SCAPER: variants seen among roughly 807,000 people sequenced by gnomAD.
SCAPER encodes the protein S-phase cyclin A associated protein in the ER.
A neutral mutation model predicts 182.2 loss-of-function variants in SCAPER; 98 were observed. The ratio of observed to expected loss-of-function variants is 0.54; its 90% CI spans 0.46 to 0.64. The LOEUF is 0.64. Among genes scored for constraint, SCAPER ranks in the 30% least tolerant of loss-of-function variants. The probability of loss-of-function intolerance (pLI) is 0.00; values close to 1 mark genes in which losing one functional copy is unlikely to be tolerated. For missense variants in SCAPER, 1,432 were observed against 1,690.0 expected (o/e 0.85, Z 2.68); for synonymous variants, 605 against 564.6 (o/e 1.07, Z -1.01).
At chr15:76,391,676 T>C (rs2043710475) in intron 27 of SCAPER, among the ~76,000 whole-genome samples, 2 of 152,198 alleles carry the variant, frequency 1.3e-5, no homozygotes, top group Non-Finnish European at 1.5e-5. Flanking sequence ...TCACTAGTAT[T>C]TGCTAGCTCT....
Position 76,779,912 on chromosome 15 carries a change from C to T in SCAPER, c.773-4795G>A, listed in dbSNP as rs1179818026. Among the ~76,000 whole-genome samples the T allele has an allele frequency of 3.9e-5, 6 of 152,280 alleles. No homozygotes were observed. In the East Asian group the frequency reaches 5.8e-4, roughly 15 times the overall value. On this transcript the variant is annotated intron_variant, in intron 8 of 31. Coordinates refer to ENST00000563290, the MANE Select transcript of SCAPER (RefSeq NM_020843.4). The stretch of plus-strand genomic sequence containing the variant: ...CAAAAACCAATCAACGGGGGATCTT[C>T]GACCAACATGGGTGAATAGGAACAG...
At chr15:76,424,854 T>C (rs955252189) in intron 26 of SCAPER, among the ~76,000 whole-genome samples, 10 of 152,174 alleles carry the variant, frequency 6.6e-5, no homozygotes, top group African/African-American at 2.4e-4. Flanking sequence ...CTGTAAAGGA[T>C]TTTATTTCTC....
At chr15:76,516,383 C>G (rs567641326) in intron 23 of SCAPER, among the ~76,000 whole-genome samples, 1 of 150,482 alleles carries the variant, frequency 6.6e-6, no homozygotes. Flanking sequence ...ACCCCACCCC[C>G]GCAACTGGCC....
chr15:76,732,601 G>A (rs936609865), intron 16 of SCAPER, among the ~76,000 whole-genome samples: 8 of 152,054 alleles, frequency 5.3e-5, no homozygotes, highest in African/African-American at 1.7e-4. Flanking sequence ...CAGTGTCAAG[G>A]AAAAACACCC....
chr15:76,482,588 G>A (rs1305832221), intron 24 of SCAPER, among the ~76,000 whole-genome samples: 1 of 152,060 alleles, frequency 6.6e-6, no homozygotes, highest in East Asian at 1.9e-4. Flanking sequence ...TGATATGATG[G>A]TCTATGTAGG....
intron 17 of SCAPER, among the ~76,000 whole-genome samples, chr15:76,718,562 A>G (rs190329427): frequency 2.7e-4 from 41 of 152,134 alleles, no homozygotes; most frequent in African/African-American, 9.9e-4. Flanking sequence ...AATCACTTGA[A>G]CCTGGGAAGT....
At chr15:76,557,375 T>G (rs1416263718) in intron 23 of SCAPER, among the ~76,000 whole-genome samples, 1 of 152,194 alleles carries the variant, frequency 6.6e-6, no homozygotes, top group East Asian at 1.9e-4. Context: ...AAGGCTATAG[T>G]AGCTGATATA....
chr15:76,553,190 C>T (rs758964733), intron 23 of SCAPER, among the ~76,000 whole-genome samples: 15 of 152,240 alleles, frequency 9.9e-5, no homozygotes, highest in Non-Finnish European at 1.9e-4. Flanking sequence ...CTCTATCCAA[C>T]CCAGCTGAGG....
At chr15:76,618,716 ATTAC>A (rs1440426531) in intron 22 of SCAPER, among the ~76,000 whole-genome samples, 1 of 152,228 alleles carries the variant, frequency 6.6e-6, no homozygotes, top group Non-Finnish European at 1.5e-5. Flanking sequence ...GTATCAACTT[ATTAC>A]TTGAGAGTTT....
chr15:76,440,907 G>GTTTTTTTTTTTTTTT lies in SCAPER; in HGVS notation c.3079-6598_3079-6597insAAAAAAAAAAAAAAA, dbSNP rs1225009824. On this transcript the variant is annotated intron_variant, in intron 25 of 31. Transcript: ENST00000563290. ...ATCTTTTAAAATTATTCCCCTTCTG[G>GTTTTTTTTTTTTTTT]TTTTTTTTTTGTTTTTTTTTTTTTT... Among the ~76,000 whole-genome samples the GTTTTTTTTTTTTTTT allele has an allele frequency of 4.7e-4, 39 of 82,848 alleles. 8 individuals carry two copies. The highest frequency in any genetic ancestry group is 1.7e-3 in the African/African-American group (39 of 22,872). The allele number at this position is 82,848 out of a possible 152,430, so 54.4% of individuals were successfully genotyped here.
At chr15:76,838,512 C>T (rs1044750401) in intron 5 of SCAPER, among the ~76,000 whole-genome samples, 2 of 152,148 alleles carry the variant, frequency 1.3e-5, no homozygotes, top group African/African-American at 4.8e-5. Flanking sequence ...ATTAGATATA[C>T]TCGGGTCTTC....
At chr15:76,746,116 T>C (rs1473038256) in intron 15 of SCAPER, among the ~76,000 whole-genome samples, 1 of 152,174 alleles carries the variant, frequency 6.6e-6, no homozygotes, top group African/African-American at 2.4e-5. Context: ...CAGCAATAGA[T>C]GGAGAAGAAG....
chr15:76,687,417 T>C (rs962920205), intron 20 of SCAPER, among the ~76,000 whole-genome samples: 1 of 152,266 alleles, frequency 6.6e-6, no homozygotes, highest in East Asian at 1.9e-4. Flanking sequence ...AATCAAAGAA[T>C]AGTCCTCATA....
intron 5 of SCAPER, among the ~76,000 whole-genome samples, chr15:76,806,770 C>T (rs1013026085): frequency 2.0e-5 from 3 of 152,168 alleles, no homozygotes; most frequent in Admixed American, 6.5e-5. Flanking sequence ...TTTGTGTGTA[C>T]ATCTTACACT....
At chr15:76,680,705 T>C (rs1349057175) in intron 20 of SCAPER, among the ~76,000 whole-genome samples, 1 of 152,102 alleles carries the variant, frequency 6.6e-6, no homozygotes, top group East Asian at 1.9e-4. Flanking sequence ...CTCTTCACTC[T>C]CTTGCTTCCT....
chr15:76,869,690 G>A (rs1000283195), intron 2 of SCAPER, among the ~76,000 whole-genome samples: 1 of 152,024 alleles, frequency 6.6e-6, no homozygotes, highest in Non-Finnish European at 1.5e-5. Flanking sequence ...ATAGAGAACA[G>A]TATGAAAGTT....
chr15:76,561,834 T>G (rs936842137), intron 23 of SCAPER, among the ~76,000 whole-genome samples: 7 of 151,688 alleles, frequency 4.6e-5, no homozygotes, highest in East Asian at 1.9e-4. Context: ...TTAGTTTTTT[T>G]TTTTTTTTTT....
chr15:76,523,069 T>C (rs2042943722), intron 23 of SCAPER, among the ~76,000 whole-genome samples: 1 of 151,978 alleles, frequency 6.6e-6, no homozygotes, highest in Non-Finnish European at 1.5e-5. Context: ...AATTCCAAAA[T>C]AGGTCAGCTT....
intron 25 of SCAPER, among the ~76,000 whole-genome samples, chr15:76,444,474 A>C (rs1451933071): frequency 6.6e-6 from 1 of 152,174 alleles, no homozygotes; most frequent in Non-Finnish European, 1.5e-5. Flanking sequence ...GCTGTAAACT[A>C]ATCTTTCCCA....
Sources: allele counts gnomAD v4.1 joint callset (sites outside exome capture counted in the v4.1 genomes callset), GRCh38; gene constraint gnomAD v4.1.1; transcripts MANE v1.5; gene names NCBI Gene and HGNC (gene_info 2026-07-23, HGNC 2026-07-21).